EIF3K: variants seen among roughly 807,000 people sequenced by gnomAD.
EIF3K encodes eukaryotic translation initiation factor 3 subunit K, also known as eIF-3 p28.
A neutral mutation model predicts 34.2 loss-of-function variants in EIF3K; 27 were observed. That is an observed-to-expected ratio of 0.79 (90% CI 0.58 to 1.09). The LOEUF is 1.09. EIF3K is among the 50% of genes least tolerant of loss of function. The pLI, the probability that EIF3K is intolerant of heterozygous loss-of-function variation, is 0.00. For synonymous variants in EIF3K, 105 were observed against 105.7 expected (o/e 0.99, Z 0.04); for missense variants, 232 against 275.4 (o/e 0.84, Z 1.11).
Position 38,626,047 on chromosome 19 carries a change from G to A in EIF3K, c.299G>A (p.Arg100Gln), listed in dbSNP as rs764778412. Reference protein sequence around the residue: ...DQAHQEERPIRQILYLGDLLE... With the variant: ...DQAHQEERPIQQILYLGDLLE... ...TCCCAGCAAGAAGAACGGCCAATCC[G>A]ACAGATTTTGTACCTCGGGGACCTG... The change falls in exon 4 of 8, where the codon CGA (arginine) becomes CAA (glutamine). Residue 100 changes from arginine to glutamine, a missense_variant. Coordinates refer to ENST00000248342, the MANE Select transcript of EIF3K (RefSeq NM_013234.4). 18 of 1,614,142 alleles carry A rather than the reference G, an allele frequency of 1.1e-5. No individual in the cohort carries two copies. Among genetic ancestry groups the A allele is most frequent in the Middle Eastern group, 1.6e-4 (1 of 6,062 alleles).
At chr19:38,636,796 T>A (rs1366686670) in intron 7 of EIF3K, 93 bp from the exon 8 acceptor site, 3 of 1,449,330 alleles carry the variant, frequency 2.1e-6, no homozygotes, top group African/African-American at 2.8e-5. Context: ...GAGTTTATGA[T>A]CTCCCCCTAA....
intron 2 of EIF3K, among the ~76,000 whole-genome samples, chr19:38,621,903 C>CTTTTTTT (rs914363057): frequency 9.0e-6 from 1 of 111,502 alleles, no homozygotes; most frequent in African/African-American, 3.5e-5. Context: ...TCTTCGTGCC[C>CTTTTTTT]TTTTTTTTTT....
intron 3 of EIF3K, among the ~76,000 whole-genome samples, 196 bp downstream of exon 3, chr19:38,624,393 G>A (rs185421475): frequency 4.3e-4 from 66 of 152,196 alleles, no homozygotes; most frequent in Middle Eastern, 6.8e-3. Context: ...CAAAGTTGTC[G>A]CAGTCCAGTG....
chr19:38,634,547 G>A (rs902407009), intron 6 of EIF3K, among the ~76,000 whole-genome samples: 1 of 151,492 alleles, frequency 6.6e-6, no homozygotes, highest in African/African-American at 2.4e-5. Context: ...GCAGTGAGCC[G>A]AGATTGCGCC....
At chr19:38,634,727 G>A (rs574002035) in intron 6 of EIF3K, among the ~76,000 whole-genome samples, 1 of 152,140 alleles carries the variant, frequency 6.6e-6, no homozygotes, top group Non-Finnish European at 1.5e-5. Flanking sequence ...CCCAGGGAGA[G>A]AAAACAGAGG....
At chr19:38,636,738 A>G in intron 7 of EIF3K, 151 bp from the exon 8 acceptor site, 1 of 868,154 alleles carries the variant, frequency 1.2e-6, no homozygotes, top group Non-Finnish European at 1.9e-6. Flanking sequence ...CCATCTTTTT[A>G]AAATACTGCA....
At chr19:38,635,307 T>A in intron 7 of EIF3K, 189 bp downstream of exon 7, 1 of 792,046 alleles carries the variant, frequency 1.3e-6, no homozygotes, top group Non-Finnish European at 2.0e-6. Flanking sequence ...AGCTGGGTGA[T>A]CTTCCCTGGA....
At chr19:38,632,987 C>T (rs770900132) in intron 6 of EIF3K, 63 of 337,368 alleles carry the variant, frequency 1.9e-4, no homozygotes, top group Non-Finnish European at 2.8e-4. Context: ...CACATGGCGA[C>T]ATGGAGGTGT....
chr19:38,630,322 G>A (rs931387581), intron 4 of EIF3K, among the ~76,000 whole-genome samples: 7 of 150,294 alleles, frequency 4.7e-5, no homozygotes, highest in African/African-American at 9.8e-5. Flanking sequence ...CACCACACCC[G>A]GTTTAATTAT....
chr19:38,624,637 C>G (rs1221067864), intron 3 of EIF3K, among the ~76,000 whole-genome samples: 1 of 152,048 alleles, frequency 6.6e-6, no homozygotes, highest in Non-Finnish European at 1.5e-5. Flanking sequence ...ACTCAGGAGG[C>G]TGAGGCAGGA....
intron 3 of EIF3K, among the ~76,000 whole-genome samples, chr19:38,624,586 A>T (rs921705763): frequency 1.3e-5 from 2 of 152,112 alleles, no homozygotes; most frequent in Admixed American, 6.6e-5. Context: ...AAAATACAAA[A>T]AATTAGCCAG....
intron 6 of EIF3K, among the ~76,000 whole-genome samples, chr19:38,634,090 C>CT (rs757394196): frequency 0.045 from 3,887 of 86,078 alleles, 726 homozygotes; most frequent in African/African-American, 0.063. Flanking sequence ...TAAAAGCTAA[C>CT]TTTTTTTTTT....
At chr19:38,633,699 A>G (rs1315961763) in intron 6 of EIF3K, among the ~76,000 whole-genome samples, 6 of 151,546 alleles carry the variant, frequency 4.0e-5, no homozygotes, top group Non-Finnish European at 8.8e-5. Flanking sequence ...TAAAAAAAAA[A>G]AGAAACTAAG....
Position 38,620,414 on chromosome 19 carries a change from C to A in EIF3K, c.137C>A (p.Ala46Asp), listed in dbSNP as rs376238584. 1.2e-6 allele frequency: 2 copies of A among 1,613,890 alleles called. No individual in the cohort carries two copies. Among genetic ancestry groups the A allele is most frequent in the East Asian group, 4.5e-5 (2 of 44,874 alleles). Residue 46 changes from alanine (A) to aspartate (D), a missense_variant, in exon 2 of 8, where the codon GCC becomes GAC. By Grantham distance (126) the Ala-to-Asp change is moderately radical. Coordinates refer to ENST00000248342, the MANE Select transcript of EIF3K (RefSeq NM_013234.4). ...QAKENAYDLE[A>D]NLAVLKLYQF... Reference sequence around the variant, plus strand: ...AAGGAAAATGCCTATGATCTGGAAGCCAACCTGGCTGTCCTGAAGCTGTAA... The same window carrying A: ...AAGGAAAATGCCTATGATCTGGAAGACAACCTGGCTGTCCTGAAGCTGTAA...
intron 6 of EIF3K, chr19:38,632,935 A>G: frequency 2.3e-6 from 1 of 434,600 alleles, no homozygotes. Flanking sequence ...AGCAGTAAAC[A>G]AAGTGGGATG....
intron 2 of EIF3K, among the ~76,000 whole-genome samples, chr19:38,620,849 G>GC (rs1214343106): frequency 1.3e-5 from 2 of 151,724 alleles, no homozygotes; most frequent in African/African-American, 2.4e-5. Context: ...AACCAAGATC[G>GC]CGCCATTGCA....
Position 38,624,103 on chromosome 19 carries a change from A to T in EIF3K, c.185A>T (p.Gln62Leu), listed in dbSNP as rs371604503. ...TACCAGTTCAACCCAGCCTTCTTTCAGACCACGGTCACCGCCCAGATCCTG... is the reference window on the plus strand; with the variant it reads ...TACCAGTTCAACCCAGCCTTCTTTCTGACCACGGTCACCGCCCAGATCCTG... The part of the protein sequence containing the change: ...KLYQFNPAFF[Q>L]TTVTAQILLK... Residue 62 changes from glutamine to leucine, a missense_variant, in exon 3 of 8, where the codon CAG becomes CTG. Gln to Leu is a moderately radical substitution (Grantham distance 113). Coordinates refer to ENST00000248342, the MANE Select transcript of EIF3K (RefSeq NM_013234.4). 1.9e-6 allele frequency: 3 copies of T among 1,614,154 alleles called. No homozygotes were observed. The highest frequency in any genetic ancestry group is 2.5e-6 in the Non-Finnish European group (3 of 1,180,018).
At chr19:38,635,898 G>T (rs936270414) in intron 7 of EIF3K, among the ~76,000 whole-genome samples, 2 of 152,214 alleles carry the variant, frequency 1.3e-5, no homozygotes, top group African/African-American at 4.8e-5. Context: ...CAGGCGGGCT[G>T]CTGCCTTCAT....
chr19:38,626,642 AAG>A (rs1198611251), intron 4 of EIF3K, among the ~76,000 whole-genome samples: 3 of 152,174 alleles, frequency 2.0e-5, no homozygotes, highest in East Asian at 1.9e-4. Context: ...TGTCTCAAGA[AAG>A]AGAAATTCTC....
Sources: allele counts gnomAD v4.1 joint callset (sites outside exome capture counted in the v4.1 genomes callset), GRCh38; gene constraint gnomAD v4.1.1; transcripts MANE v1.5; gene names NCBI Gene and HGNC (gene_info 2026-07-23, HGNC 2026-07-21).